The following PTPRQ variants were observed in gnomAD, a reference collection of about 807,000 sequenced individuals.
PTPRQ encodes the protein phosphatidylinositol phosphatase PTPRQ.
A neutral mutation model predicts 246.0 loss-of-function variants in PTPRQ; 199 were observed. The observed-to-expected ratio is 0.81, with a 90% confidence interval of 0.72 to 0.91. The LOEUF is 0.91. Ranked by LOEUF, PTPRQ falls within the 40% of genes least tolerant of loss-of-function variation. The probability of loss-of-function intolerance (pLI) is 0.00; values close to 1 mark genes in which losing one functional copy is unlikely to be tolerated. For missense variants in PTPRQ, 2,624 were observed against 2,528.4 expected, an observed-to-expected ratio of 1.04 and a Z score of -0.81; for synonymous variants, 869 against 853.2, an observed-to-expected ratio of 1.02 and a Z score of -0.32.
At chr12:80,546,787 A>T (rs2120859365) in intron 24 of PTPRQ, 90 bp downstream of exon 24, 1 of 1,435,774 alleles carries the variant, frequency 7.0e-7, no homozygotes, top group East Asian at 2.5e-5. Context: ...AAGTATCATT[A>T]CTTAAGAGTC....
At chr12:80,462,046 C>A in intron 6 of PTPRQ, 1 of 699,264 alleles carries the variant, frequency 1.4e-6, no homozygotes, top group Non-Finnish European at 2.6e-6. Flanking sequence ...GTGAGAGAGC[C>A]GAAGCAGGGC....
At chr12:80,460,180 A>G (rs1211430581) in intron 5 of PTPRQ, among the ~76,000 whole-genome samples, 3 of 152,204 alleles carry the variant, frequency 2.0e-5, no homozygotes, top group African/African-American at 7.2e-5. Context: ...AAGTCTAAAA[A>G]TCTTCTTTTT....
chr12:80,549,087 A>G (rs1297487925), intron 24 of PTPRQ, among the ~76,000 whole-genome samples: 1 of 152,174 alleles, frequency 6.6e-6, no homozygotes, highest in Non-Finnish European at 1.5e-5. Flanking sequence ...TATGTTTTGC[A>G]TAAAAATGTT....
At chr12:80,509,531 T>C (rs528940109) in intron 16 of PTPRQ, among the ~76,000 whole-genome samples, 1 of 152,216 alleles carries the variant, frequency 6.6e-6, no homozygotes, top group South Asian at 2.1e-4. Flanking sequence ...ATGTAAAAAG[T>C]TGTATTCCAT....
chr12:80,449,255 A>T (rs1404378360), intron 3 of PTPRQ, among the ~76,000 whole-genome samples: 2 of 151,062 alleles, frequency 1.3e-5, no homozygotes, highest in African/African-American at 4.9e-5. Flanking sequence ...GTTTGAGTTC[A>T]TTGTAGGTTC....
chr12:80,500,119 T>C (rs994204921), intron 14 of PTPRQ, among the ~76,000 whole-genome samples: 2 of 151,964 alleles, frequency 1.3e-5, no homozygotes, highest in African/African-American at 4.8e-5. Context: ...CTGCATACAT[T>C]AAAGCTTTAT....
At position 80,613,728 on chromosome 12, in the gene PTPRQ, T is replaced by C; in HGVS notation, c.5055T>C (p.Asp1685=). ...QVYQALVYRE[D]DPTAVQIHNL... ...ATCAAGCTCTGGTTTACCGAGAAGA[T>C]GATCCTACTGCTGTCCAGATTCACA... Residue 1685 remains aspartate (D), a synonymous_variant, in exon 29 of 45, where the codon GAT becomes GAC. Transcript: ENST00000644991. The C allele has an allele frequency of 1.3e-6, 2 of 1,546,022 alleles. No homozygotes were observed. The highest frequency in any genetic ancestry group is 1.7e-6 in the Non-Finnish European group (2 of 1,143,190).
At chr12:80,512,365 G>A (rs1565755503) in intron 17 of PTPRQ, among the ~76,000 whole-genome samples, 1 of 152,108 alleles carries the variant, frequency 6.6e-6, no homozygotes, top group Non-Finnish European at 1.5e-5. Flanking sequence ...CATGTGGTTG[G>A]ATAGCATTTT....
In PTPRQ at chr12:80,506,086, T is replaced by A; in HGVS notation, c.2335T>A (p.Ser779Thr). The A allele has an allele frequency of 6.5e-7, 1 of 1,546,866 alleles. No individual in the cohort carries two copies. ...KNISSGEIEL[S>T]FLPPSSPNGI... ...TATTTCTTCTGGAGAGATTGAGCTATCATTCCTTCCCCCAAGTAGTCCCAA... is the reference window on the plus strand; with the variant it reads ...TATTTCTTCTGGAGAGATTGAGCTAACATTCCTTCCCCCAAGTAGTCCCAA... Residue 779 changes from serine (S) to threonine (T), a missense_variant, in exon 15 of 45, where the codon TCA becomes ACA. Ser to Thr is a moderately conservative substitution (Grantham distance 58, BLOSUM62 1). Coordinates refer to ENST00000644991, the MANE Select transcript of PTPRQ (RefSeq NM_001145026.2).
At chr12:80,599,833 G>A (rs1342744607) in intron 26 of PTPRQ, among the ~76,000 whole-genome samples, 6 of 150,694 alleles carry the variant, frequency 4.0e-5, no homozygotes, top group Non-Finnish European at 8.9e-5. Context: ...GCTCCAGACA[G>A]GTGAAACACA....
chr12:80,575,839 CAAAAAAAAAAAAA>C (rs201432092), intron 25 of PTPRQ, among the ~76,000 whole-genome samples: 3 of 47,152 alleles, frequency 6.4e-5, no homozygotes, highest in Non-Finnish European at 1.4e-4. Context: ...AACCCCATCT[CAAAAAAAAAAAAA>C]AAAAAGAAAA....
chr12:80,450,192 G>A (rs1412302850), intron 3 of PTPRQ, among the ~76,000 whole-genome samples: 4 of 152,056 alleles, frequency 2.6e-5, no homozygotes, highest in African/African-American at 9.7e-5. Context: ...TGTTATTGGT[G>A]TATAAGAATG....
At chr12:80,600,765 C>T (rs181395845) in intron 26 of PTPRQ, among the ~76,000 whole-genome samples, 1 of 151,918 alleles carries the variant, frequency 6.6e-6, no homozygotes, top group Non-Finnish European at 1.5e-5. Flanking sequence ...TACCAAGGAT[C>T]ACAGTCTATC....
At chr12:80,590,614 G>C (rs555416558) in intron 26 of PTPRQ, among the ~76,000 whole-genome samples, 6 of 136,880 alleles carry the variant, frequency 4.4e-5, no homozygotes, top group Admixed American at 8.3e-5. Flanking sequence ...CTTGCAGTGA[G>C]CCGAAATCGC....
intron 33 of PTPRQ, among the ~76,000 whole-genome samples, chr12:80,630,210 T>A (rs1899371860): frequency 6.6e-6 from 1 of 152,162 alleles, no homozygotes; most frequent in Non-Finnish European, 1.5e-5. Flanking sequence ...TTTCTTCTAT[T>A]ATTTTTTTAA....
intron 22 of PTPRQ, 34 bp from the exon 23 acceptor site, chr12:80,542,696 A>T (rs766148508): frequency 1.1e-5 from 16 of 1,517,760 alleles, no homozygotes; most frequent in Non-Finnish European, 1.4e-5. Context: ...TAAAAGTTTT[A>T]TGAATGTAAG....
chr12:80,537,203 A>G (rs184386893), intron 19 of PTPRQ, among the ~76,000 whole-genome samples: 1 of 152,238 alleles, frequency 6.6e-6, no homozygotes, highest in Non-Finnish European at 1.5e-5. Flanking sequence ...GCTTTAACTT[A>G]TTCCTAAAGT....
chr12:80,674,350 CAT>C, intron 43 of PTPRQ, among the ~76,000 whole-genome samples: 1 of 152,204 alleles, frequency 6.6e-6, no homozygotes, highest in Non-Finnish European at 1.5e-5. Context: ...TTTTTAAAGA[CAT>C]AAATTTTTAG....
chr12:80,488,595 G>A (rs1379332475), intron 9 of PTPRQ, among the ~76,000 whole-genome samples: 2 of 152,042 alleles, frequency 1.3e-5, no homozygotes, highest in African/African-American at 4.8e-5. Context: ...GTGGTTTAAA[G>A]TGTTGCTTCT....
Sources: gnomAD v4.1 joint callset for allele counts (sites outside exome capture counted in the v4.1 genomes callset) on GRCh38, gnomAD v4.1.1 for gene constraint, MANE v1.5 for transcripts, NCBI Gene and HGNC (gene_info 2026-07-23, HGNC 2026-07-21) for gene names.